Variants in SPOCK1 observed in about 807,000 individuals in gnomAD.
SPOCK1 encodes the protein testican-1.
In SPOCK1, 23 loss-of-function variants were observed where a neutral mutation model predicts 55.3. That is an observed-to-expected ratio of 0.42 (90% CI 0.30 to 0.59). The LOEUF (loss-of-function observed/expected upper bound fraction) is 0.59, where lower values mean the gene tolerates loss of function less well. SPOCK1 is among the 20% of genes least tolerant of loss of function. SPOCK1 has a pLI of 0.22. For synonymous variants in SPOCK1, 226 were observed against 221.0 expected (o/e 1.02, Z -0.20); for missense variants, 499 against 552.5 (o/e 0.90, Z 0.97).
intron 3 of SPOCK1, among the ~76,000 whole-genome samples, chr5:137,264,745 G>A (rs1418141086): frequency 6.6e-6 from 1 of 152,084 alleles, no homozygotes; most frequent in Non-Finnish European, 1.5e-5. Flanking sequence ...CCATGCCTGT[G>A]GTTTATATTT....
intron 3 of SPOCK1, among the ~76,000 whole-genome samples, chr5:137,209,683 A>G (rs1472755892): frequency 2.0e-5 from 3 of 152,190 alleles, no homozygotes; most frequent in Non-Finnish European, 4.4e-5. Context: ...TCAGGACAAA[A>G]CAAGAACCCA....
At chr5:137,406,155 A>T (rs1007099289) in intron 2 of SPOCK1, among the ~76,000 whole-genome samples, 1 of 152,156 alleles carries the variant, frequency 6.6e-6, no homozygotes, top group Non-Finnish European at 1.5e-5. Flanking sequence ...CCACTAACAG[A>T]TACTTATAGC....
chr5:137,217,320 C>T (rs1261579442), intron 3 of SPOCK1, among the ~76,000 whole-genome samples: 1 of 152,182 alleles, frequency 6.6e-6, no homozygotes, highest in East Asian at 1.9e-4. Flanking sequence ...CTTGCAGAGG[C>T]CCCTGTGCTG....
chr5:137,025,723 CT>C (rs1751663179), intron 6 of SPOCK1, among the ~76,000 whole-genome samples: 1 of 152,104 alleles, frequency 6.6e-6, no homozygotes, highest in Non-Finnish European at 1.5e-5. Context: ...AAATCTAAAA[CT>C]GAATGAAAAG....
At chr5:137,374,030 G>A (rs1431429476) in intron 2 of SPOCK1, among the ~76,000 whole-genome samples, 2 of 152,270 alleles carry the variant, frequency 1.3e-5, no homozygotes, top group African/African-American at 4.8e-5. Flanking sequence ...CCAGTGGGCA[G>A]ATCAACACAT....
At chr5:137,134,089 G>T (rs1753934996) in intron 4 of SPOCK1, among the ~76,000 whole-genome samples, 1 of 152,214 alleles carries the variant, frequency 6.6e-6, no homozygotes, top group Admixed American at 6.5e-5. Flanking sequence ...TGGAAGTGCA[G>T]TGACCTCCAC....
chr5:137,192,343 C>T (rs1237156860), intron 3 of SPOCK1, among the ~76,000 whole-genome samples: 1 of 151,924 alleles, frequency 6.6e-6, no homozygotes, highest in African/African-American at 2.4e-5. Flanking sequence ...TGCAGGAGAG[C>T]CTCACACACA....
chr5:136,998,535 GT>G (rs1751090296), intron 6 of SPOCK1, among the ~76,000 whole-genome samples: 1 of 152,180 alleles, frequency 6.6e-6, no homozygotes, highest in African/African-American at 2.4e-5. Context: ...GGATATATTG[GT>G]CTTGTGGGCA....
chr5:137,161,004 T>TGA (rs1351121316), intron 3 of SPOCK1, among the ~76,000 whole-genome samples: 4 of 38,138 alleles, frequency 1.0e-4, no homozygotes, highest in Non-Finnish European at 1.8e-4. Context: ...GAAGAAACTG[T>TGA]GAGATATATA....
intron 6 of SPOCK1, among the ~76,000 whole-genome samples, chr5:137,040,751 C>T (rs187663499): frequency 2.0e-5 from 3 of 152,310 alleles, no homozygotes; most frequent in South Asian, 4.1e-4. Context: ...TATTAATCAT[C>T]AGCACTAGGA....
At chr5:137,404,321 A>C (rs1334550077) in intron 2 of SPOCK1, among the ~76,000 whole-genome samples, 2 of 152,218 alleles carry the variant, frequency 1.3e-5, no homozygotes, top group East Asian at 3.8e-4. Flanking sequence ...GATTTTCCCA[A>C]AGAATCAGGC....
At chr5:137,237,045 T>C (rs1042131149) in intron 3 of SPOCK1, among the ~76,000 whole-genome samples, 1 of 152,206 alleles carries the variant, frequency 6.6e-6, no homozygotes, top group Non-Finnish European at 1.5e-5. Flanking sequence ...TCCTCTATAA[T>C]GACTTCACCC....
chr5:137,312,094 G>GCCAATT (rs752604991), intron 2 of SPOCK1, among the ~76,000 whole-genome samples: 13 of 152,182 alleles, frequency 8.5e-5, no homozygotes, highest in Non-Finnish European at 1.6e-4. Flanking sequence ...CCATTAATAT[G>GCCAATT]CCAATTCTTT....
intron 2 of SPOCK1, among the ~76,000 whole-genome samples, chr5:137,445,115 G>T (rs1753094952): frequency 6.6e-6 from 1 of 152,132 alleles, no homozygotes; most frequent in Non-Finnish European, 1.5e-5. Flanking sequence ...ACTCCAAAAG[G>T]AAAGTCCACT....
At chr5:137,460,891 C>T (rs1252241312) in intron 2 of SPOCK1, among the ~76,000 whole-genome samples, 1 of 152,170 alleles carries the variant, frequency 6.6e-6, no homozygotes, top group Admixed American at 6.5e-5. Flanking sequence ...AATGCCTCTT[C>T]CCAGATCTTA....
intron 2 of SPOCK1, among the ~76,000 whole-genome samples, chr5:137,292,189 ACCATGAGAAT>A (rs1757382539): frequency 6.6e-6 from 1 of 152,168 alleles, no homozygotes; most frequent in South Asian, 2.1e-4. Flanking sequence ...TTCATGTGTA[ACCATGAGAAT>A]CCTAACACAG....
chr5:137,024,896 G>C (rs929788412), intron 6 of SPOCK1, among the ~76,000 whole-genome samples: 42 of 152,328 alleles, frequency 2.8e-4, no homozygotes, highest in African/African-American at 9.4e-4. Context: ...ATAAAATGTG[G>C]TATGTACATA....
chr5:137,144,533 T>C (rs1447033326), intron 3 of SPOCK1, among the ~76,000 whole-genome samples: 1 of 152,186 alleles, frequency 6.6e-6, no homozygotes, highest in Non-Finnish European at 1.5e-5. Context: ...GCTGTCAGCA[T>C]TTGTTTAATC....
At chr5:137,044,934 G>A (rs867697107) in intron 6 of SPOCK1, among the ~76,000 whole-genome samples, 184 of 143,006 alleles carry the variant, frequency 1.3e-3, no homozygotes, top group Admixed American at 3.9e-3. Context: ...GAGAATGATG[G>A]TTTCCAATTT....
Sources: allele counts gnomAD v4.1 joint callset (sites outside exome capture counted in the v4.1 genomes callset), GRCh38; gene constraint gnomAD v4.1.1; transcripts MANE v1.5; gene names NCBI Gene and HGNC (gene_info 2026-07-23, HGNC 2026-07-21).